Variants in TAFA1 observed in about 807,000 individuals in gnomAD.
The protein encoded by TAFA1 is TAFA chemokine like family member 1.
A neutral mutation model predicts 18.5 loss-of-function variants in TAFA1; 4 were observed. The observed-to-expected ratio is 0.22, with a 90% CI of 0.11 to 0.49. The LOEUF (loss-of-function observed/expected upper bound fraction) is 0.49, where lower values mean the gene tolerates loss of function less well. Among genes scored for constraint, TAFA1 ranks in the 20% least tolerant of loss-of-function variants. TAFA1 has a pLI of 0.98. For synonymous variants in TAFA1, 56 were observed against 55.2 expected (o/e 1.01, Z -0.06); for missense variants, 147 against 169.0 (o/e 0.87, Z 0.72).
chr3:68,158,551 C>T (rs1263659524), intron 2 of TAFA1, among the ~76,000 whole-genome samples: 1 of 151,320 alleles, frequency 6.6e-6, no homozygotes, highest in African/African-American at 2.4e-5. Context: ...AAAAGTCTTA[C>T]CCAGTCAAGT....
rs1363627137 is a variant in TAFA1 at position 68,301,261 on chromosome 3, C to T, written c.119-116019C>T. 2.0e-5 allele frequency among the ~76,000 whole-genome samples: 3 copies of T among 152,136 alleles called. No individual in the cohort carries two copies. The East Asian group carries it at 5.8e-4, about 29-fold the overall frequency. On this transcript the variant is annotated intron_variant, in intron 2 of 4. Transcript: ENST00000478136. ...CAAAATTACCATGTATTATAAACTT[C>T]ATCCTCCTTATGTAAAAGTTATCTC...
At chr3:68,124,803 G>T (rs1236497671) in intron 2 of TAFA1, among the ~76,000 whole-genome samples, 2 of 152,288 alleles carry the variant, frequency 1.3e-5, no homozygotes, top group Non-Finnish European at 2.9e-5. Flanking sequence ...TCTGAAATCT[G>T]CTCATTCACT....
At chr3:68,165,248 CT>C (rs2065970573) in intron 2 of TAFA1, among the ~76,000 whole-genome samples, 1 of 152,214 alleles carries the variant, frequency 6.6e-6, no homozygotes. Context: ...GCAGCAATCT[CT>C]GTGGCATAAG....
rs6790730 is a variant in TAFA1, at chr3:68,542,505, A to G, written c.385-1981A>G. On this transcript the variant is annotated intron_variant, in intron 4 of 4. Coordinates refer to ENST00000478136, the MANE Select transcript of TAFA1 (RefSeq NM_213609.4). ...ATCCCATGTATTCAGATACATGTCT[A>G]TACCTTTTATATTCAGGAACAATGG... 9.5e-3 allele frequency among the ~76,000 whole-genome samples: 1,453 copies of G among 152,234 alleles called. 21 individuals are homozygous for G. Among genetic ancestry groups the G allele is most frequent in the African/African-American group, 0.034 (1,392 of 41,552 alleles).
At chr3:68,158,128 T>C (rs7638281) in intron 2 of TAFA1, among the ~76,000 whole-genome samples, 29,176 of 152,082 alleles carry the variant, frequency 0.19, 3,216 homozygotes, top group Middle Eastern at 0.29. Flanking sequence ...TGGCTCTGCT[T>C]GCCTTTTATT....
At chr3:68,509,066 A>G (rs894768842) in intron 3 of TAFA1, among the ~76,000 whole-genome samples, 2 of 152,054 alleles carry the variant, frequency 1.3e-5, no homozygotes, top group Non-Finnish European at 2.9e-5. Flanking sequence ...CCAAGTGTTG[A>G]TGCACCATTG....
chr3:68,293,049 A>AG (rs1182492572), intron 2 of TAFA1, among the ~76,000 whole-genome samples: 1 of 151,960 alleles, frequency 6.6e-6, no homozygotes, highest in Non-Finnish European at 1.5e-5. Context: ...ACTTTAAAAA[A>AG]AAAATGCCTT....
At chr3:68,131,874 A>AT (rs11394152) in intron 2 of TAFA1, among the ~76,000 whole-genome samples, 146,719 of 151,974 alleles carry the variant, frequency 0.97, 70,861 homozygotes, top group African/African-American at 0.98. Flanking sequence ...GAAACTCCCT[A>AT]TTTTTTAACC....
intron 2 of TAFA1, among the ~76,000 whole-genome samples, chr3:68,410,266 T>C (rs1166091830): frequency 6.6e-6 from 1 of 152,136 alleles, no homozygotes; most frequent in Non-Finnish European, 1.5e-5. Context: ...AGTTTTTTTT[T>C]GCAGGGGCCC....
chr3:68,408,307 T>C (rs1294742687), intron 2 of TAFA1, among the ~76,000 whole-genome samples: 5 of 152,188 alleles, frequency 3.3e-5, no homozygotes, highest in Admixed American at 2.0e-4. Flanking sequence ...GGTTTACTCA[T>C]AGTTACTTTT....
chr3:68,510,437 A>G (rs1396098603), intron 3 of TAFA1, among the ~76,000 whole-genome samples: 1 of 152,038 alleles, frequency 6.6e-6, no homozygotes, highest in Non-Finnish European at 1.5e-5. Context: ...CAGGAAGCAC[A>G]ATGTTAACTC....
At chr3:68,093,999 C>T (rs549988879) in intron 2 of TAFA1, among the ~76,000 whole-genome samples, 7 of 152,144 alleles carry the variant, frequency 4.6e-5, no homozygotes, top group Non-Finnish European at 2.9e-5. Flanking sequence ...ACTGTCAAAA[C>T]TATTTTCATG....
At chr3:68,140,638 A>C (rs1031508522) in intron 2 of TAFA1, among the ~76,000 whole-genome samples, 1 of 152,198 alleles carries the variant, frequency 6.6e-6, no homozygotes, top group African/African-American at 2.4e-5. Context: ...ACCATCTGTA[A>C]AATGAAGGCA....
rs181394231 is a variant in TAFA1 at position 68,258,019 on chromosome 3, T to C, written c.119-159261T>C. On this transcript the variant is annotated intron_variant, in intron 2 of 4. Transcript: ENST00000478136. ...GTCATGAAACAGAAGGAAAGAAAGA[T>C]GTCATAGATTAGGAGGAGGCTAAGG... is the stretch of plus-strand genomic sequence containing the variant. Among the ~76,000 whole-genome samples the C allele has an allele frequency of 2.7e-4, 41 of 152,246 alleles. No individual in the cohort carries two copies. In the South Asian group the frequency reaches 3.9e-3, roughly 15 times the overall value.
intron 3 of TAFA1, among the ~76,000 whole-genome samples, chr3:68,461,557 C>A (rs933463932): frequency 2.6e-5 from 4 of 151,434 alleles, no homozygotes; most frequent in Non-Finnish European, 5.9e-5. Flanking sequence ...AATTAGTATA[C>A]CACCCTTGCC....
At chr3:68,356,691 T>C (rs2069372644) in intron 2 of TAFA1, among the ~76,000 whole-genome samples, 2 of 151,880 alleles carry the variant, frequency 1.3e-5, no homozygotes, top group Non-Finnish European at 2.9e-5. Context: ...TAAAGGGCTG[T>C]ATACAGAATT....
At chr3:68,263,349 T>G (rs776373690) in intron 2 of TAFA1, among the ~76,000 whole-genome samples, 1 of 151,954 alleles carries the variant, frequency 6.6e-6, no homozygotes, top group Non-Finnish European at 1.5e-5. Context: ...TATTTTGTCA[T>G]TTTTTTGTGG....
rs139878393 is a variant in TAFA1 at position 68,531,016 on chromosome 3, C to CAAAACAAAACAA, written c.260-7738_260-7737insAACAAAACAAAA. Among the ~76,000 whole-genome samples, 595 of 147,622 alleles carry CAAAACAAAACAA rather than the reference C, an allele frequency of 4.0e-3. 2 individuals carry two copies. The highest frequency in any genetic ancestry group is 0.014 in the African/African-American group (551 of 39,622). On this transcript the variant is annotated intron_variant, in intron 3 of 4. Transcript: ENST00000478136. ...TTAGCATTATAATGATTAACAACAA[C>CAAAACAAAACAA]AACAAAACAAAACAAAACAAAACAA...
intron 2 of TAFA1, among the ~76,000 whole-genome samples, chr3:68,105,297 G>C (rs1317658727): frequency 1.3e-5 from 2 of 152,218 alleles, no homozygotes; most frequent in Non-Finnish European, 2.9e-5. Context: ...ATATTGGTTG[G>C]CACACATTCC....
Sources: allele counts gnomAD v4.1 joint callset (sites outside exome capture counted in the v4.1 genomes callset), GRCh38; gene constraint gnomAD v4.1.1; transcripts MANE v1.5; gene names NCBI Gene and HGNC (gene_info 2026-07-23, HGNC 2026-07-21).